Variants in AFF2 observed in about 807,000 individuals in gnomAD.
The protein encoded by AFF2 is ALF transcription elongation factor 2.
AFF2 carries 14 observed loss-of-function variants against 76.9 expected under a neutral mutation model. The ratio of observed to expected loss-of-function variants is 0.18; its 90% CI spans 0.12 to 0.28. The LOEUF (loss-of-function observed/expected upper bound fraction) is 0.28, where lower values mean the gene tolerates loss of function less well. Among genes scored for constraint, AFF2 ranks in the 10% least tolerant of loss-of-function variants. The pLI is 1.00. For synonymous variants in AFF2, 398 were observed against 366.7 expected (o/e 1.09, Z -0.98); for missense variants, 868 against 1,001.1 (o/e 0.87, Z 1.79).
Position 148,755,624 on chromosome X carries a change from A to T in AFF2, c.1042-54252A>T, listed in dbSNP as rs191727046. ...ATCTTATTCTTCAGACAAAGGAATT[A>T]TACAGAATTTCTAATTAGAAAATCA... On this transcript the variant is annotated intron_variant, in intron 3 of 20. Coordinates refer to ENST00000370460, the MANE Select transcript of AFF2 (RefSeq NM_002025.4). Among the ~76,000 whole-genome samples, 11 of 112,541 alleles carry T rather than the reference A, an allele frequency of 9.8e-5. No individual in the cohort carries two copies. In the East Asian group the frequency reaches 2.2e-3, roughly 23 times the overall value.
At chrX:148,917,124 A>G (rs782460519) in intron 9 of AFF2, among the ~76,000 whole-genome samples, 4 of 112,288 alleles carry the variant, frequency 3.6e-5, no homozygotes, top group South Asian at 3.7e-4. Context: ...ATAATAATCT[A>G]TGTTCCATAT....
At chrX:148,696,325 G>A (rs974637709) in intron 3 of AFF2, among the ~76,000 whole-genome samples, 1 of 109,860 alleles carries the variant, frequency 9.1e-6, no homozygotes, top group Non-Finnish European at 1.9e-5. Flanking sequence ...GGGAGGGATA[G>A]CATTAGGAGA....
At chrX:148,857,306 T>G (rs2070797172) in intron 7 of AFF2, among the ~76,000 whole-genome samples, 1 of 111,789 alleles carries the variant, frequency 8.9e-6, no homozygotes, top group South Asian at 3.7e-4. Context: ...AATATTTGTG[T>G]GTTTTTTAAA....
intron 7 of AFF2, among the ~76,000 whole-genome samples, chrX:148,849,348 A>AAATGTCTCTC (rs1295156077): frequency 4.6e-4 from 37 of 80,216 alleles, no homozygotes; most frequent in Non-Finnish European, 7.7e-4. Context: ...AATGGAAAGC[A>AAATGTCTCTC]AATGTCTCTC....
At chrX:148,857,383 G>T (rs1356505953) in intron 7 of AFF2, among the ~76,000 whole-genome samples, 1 of 111,527 alleles carries the variant, frequency 9.0e-6, no homozygotes, top group Admixed American at 9.5e-5. Context: ...ACACTGTAAG[G>T]AATTTAACTA....
chrX:148,984,604 T>C (rs1378243195), intron 19 of AFF2, among the ~76,000 whole-genome samples: 1 of 111,874 alleles, frequency 8.9e-6, no homozygotes, highest in East Asian at 2.8e-4. Context: ...TAGAGCCTGG[T>C]GTGAGAACAG....
rs201881045 is a variant in AFF2, at chrX:148,843,433, C to T, written c.1262C>T (p.Ser421Leu). Reference protein sequence around the residue: ...RASTKSVSFKSMLEDDLKLSS... With the variant: ...RASTKSVSFKLMLEDDLKLSS... ...TCTACAAAGTCAGTGTCTTTCAAATCGTGAGTAGTTGGATCTCCAAATCAG... is the reference window on the plus strand; with the variant it reads ...TCTACAAAGTCAGTGTCTTTCAAATTGTGAGTAGTTGGATCTCCAAATCAG... Residue 421 changes from serine (S) to leucine (L), a missense_variant and splice_region_variant, in exon 7 of 21, where the codon TCG (serine) becomes TTG (leucine). By Grantham distance (145) the Ser-to-Leu change is moderately radical (BLOSUM62 -2). Transcript: ENST00000370460. 9 of 1,205,178 alleles carry T rather than the reference C, an allele frequency of 7.5e-6. No individual in the cohort carries two copies. The highest frequency in any genetic ancestry group is 3.5e-5 in the African/African-American group (2 of 56,841).
At chrX:148,853,843 T>C (rs1193072277) in intron 7 of AFF2, among the ~76,000 whole-genome samples, 1 of 112,098 alleles carries the variant, frequency 8.9e-6, no homozygotes, top group Non-Finnish European at 1.9e-5. Context: ...TTCATGCTGC[T>C]GAGAAGAGTG....
chrX:148,581,225 T>TACACGTATACGTATACACACATATAC (rs2053375128), intron 1 of AFF2, among the ~76,000 whole-genome samples: 2 of 18,476 alleles, frequency 1.1e-4, no homozygotes, highest in Non-Finnish European at 1.7e-4. Flanking sequence ...ATATATAATA[T>TACACGTATACGTATACACACATATAC]ACGTATACGT....
chrX:148,701,012 A>AGAGAGAATGTGTG (rs782232655), intron 3 of AFF2, among the ~76,000 whole-genome samples: 2 of 73,743 alleles, frequency 2.7e-5, no homozygotes, highest in African/African-American at 1.2e-4. Flanking sequence ...GAGAGAGAGA[A>AGAGAGAATGTGTG]TGTGTGTGTG....
rs1435864976 is a variant in AFF2 at position 148,615,845 on chromosome X, C to A, written c.48-36154C>A. Reference sequence around the variant, plus strand: ...ATACCACTCTTGCCCCCCTCCCCAACCCAAAGGCAATAATTCACCCAATCA... The same window carrying A: ...ATACCACTCTTGCCCCCCTCCCCAAACCAAAGGCAATAATTCACCCAATCA... On this transcript the variant is annotated intron_variant, in intron 1 of 20. Coordinates refer to ENST00000370460, the MANE Select transcript of AFF2 (RefSeq NM_002025.4). Among the ~76,000 whole-genome samples, 3 of 111,578 alleles carry A rather than the reference C, an allele frequency of 2.7e-5. No individual in the cohort carries two copies. The Admixed American group carries it at 2.8e-4, about 11-fold the overall frequency.
chrX:148,855,842 G>C (rs1328366114), intron 7 of AFF2, among the ~76,000 whole-genome samples: 1 of 111,924 alleles, frequency 8.9e-6, no homozygotes, highest in African/African-American at 3.2e-5. Flanking sequence ...GCACCTACAT[G>C]ATACGATTAA....
chrX:148,780,050 T>C (rs1291911568), intron 3 of AFF2, among the ~76,000 whole-genome samples: 1 of 112,312 alleles, frequency 8.9e-6, no homozygotes, highest in Admixed American at 9.4e-5. Context: ...AAAATCCTTT[T>C]CTTTAAGAAT....
intron 1 of AFF2, among the ~76,000 whole-genome samples, chrX:148,529,576 G>A (rs1200556967): frequency 8.9e-6 from 1 of 112,054 alleles, no homozygotes; most frequent in African/African-American, 3.2e-5. Flanking sequence ...TTGGATGCGT[G>A]TTTGTCCAAT....
rs187973135 is a variant in AFF2, at chrX:148,539,731, C to G, written c.47+38587C>G. ...TCTTATTTGTTCAAGTGTTAACATT[C>G]TTTAATGGGGGTTTTTAGTCAGTTC... On this transcript the variant is annotated intron_variant, in intron 1 of 20. Coordinates refer to ENST00000370460, the MANE Select transcript of AFF2 (RefSeq NM_002025.4). Among the ~76,000 whole-genome samples the G allele has an allele frequency of 8.1e-5, 9 of 110,601 alleles. No individual in the cohort carries two copies. In the East Asian group the frequency reaches 2.6e-3, roughly 32 times the overall value.
chrX:148,769,156 G>A (rs2069554578), intron 3 of AFF2, among the ~76,000 whole-genome samples: 1 of 111,393 alleles, frequency 9.0e-6, no homozygotes. Context: ...AGAAAACTTG[G>A]TAGATGAAAA....
chrX:148,609,995 C>T (rs2053711219), intron 1 of AFF2, among the ~76,000 whole-genome samples: 2 of 111,454 alleles, frequency 1.8e-5, no homozygotes, highest in Non-Finnish European at 3.8e-5. Context: ...TTTCCCTGAG[C>T]ACTTCCTGGT....
At chrX:148,888,058 A>G (rs781828192) in intron 8 of AFF2, among the ~76,000 whole-genome samples, 103 of 112,352 alleles carry the variant, frequency 9.2e-4, no homozygotes, top group African/African-American at 3.1e-3. Flanking sequence ...ATAACATAAA[A>G]TTAACCATTT....
intron 1 of AFF2, among the ~76,000 whole-genome samples, chrX:148,613,557 T>C (rs1331952867): frequency 9.0e-6 from 1 of 111,495 alleles, no homozygotes; most frequent in Non-Finnish European, 1.9e-5. Flanking sequence ...AGTTCAATAA[T>C]GGGGTGGCCT....
Sources: gnomAD v4.1 joint callset for allele counts (sites outside exome capture counted in the v4.1 genomes callset) on GRCh38, gnomAD v4.1.1 for gene constraint, MANE v1.5 for transcripts, NCBI Gene and HGNC (gene_info 2026-07-23, HGNC 2026-07-21) for gene names.